Variants in POLQ observed in about 807,000 individuals in gnomAD.
The protein encoded by POLQ is epididymis secretory sperm binding protein.
Under a neutral mutation model 259.2 loss-of-function variants are expected in POLQ, and 233 were observed. That is an observed-to-expected ratio of 0.90 (90% confidence interval 0.81 to 1.00). POLQ has a LOEUF of 1.00. Among genes scored for constraint, POLQ ranks in the 50% least tolerant of loss-of-function variants. The probability of loss-of-function intolerance (pLI) is 0.00; values close to 1 mark genes in which losing one functional copy is unlikely to be tolerated. For missense variants in POLQ, 2,871 were observed against 3,051.6 expected (o/e 0.94, Z 1.39); for synonymous variants, 1,025 against 1,048.8 (o/e 0.98, Z 0.44).
At position 121,533,560 on chromosome 3, in the gene POLQ, G is replaced by A. The variant is rs144472776; in HGVS notation, c.741-351C>T. Among the ~76,000 whole-genome samples the A allele has an allele frequency of 3.7e-3, 561 of 152,134 alleles. 6 individuals carry two copies. Among genetic ancestry groups the A allele is most frequent in the African/African-American group, 7.4e-3 (307 of 41,488 alleles). The stretch of plus-strand genomic sequence containing the variant: ...AGACAGGGTCTTGCTCTGTCACCCA[G>A]GCTGGAGTGCAATGGACCTGTCTCG... On this transcript the variant is annotated intron_variant, in intron 5 of 29. Transcript: ENST00000264233.
At chr3:121,500,869 C>G (rs1214807912) in intron 12 of POLQ, among the ~76,000 whole-genome samples, 1 of 152,202 alleles carries the variant, frequency 6.6e-6, no homozygotes, top group African/African-American at 2.4e-5. Flanking sequence ...GAGCTAACTT[C>G]TCACCAGCAA....
intron 29 of POLQ, 30 bp from the exon 30 acceptor site, chr3:121,432,447 C>T (rs1245576878): frequency 6.3e-7 from 1 of 1,594,890 alleles, no homozygotes; most frequent in Non-Finnish European, 8.5e-7. Flanking sequence ...AGTTAACAAA[C>T]TGCCCAGTCA....
At chr3:121,499,683 TCA>T (rs1344095201) in intron 12 of POLQ, among the ~76,000 whole-genome samples, 2 of 152,046 alleles carry the variant, frequency 1.3e-5, no homozygotes, top group Admixed American at 6.6e-5. Flanking sequence ...GAATCAATAT[TCA>T]GAGTTGATAT....
rs2048144079 is a variant in POLQ at position 121,498,665 on chromosome 3, T to A, written c.1965A>T (p.Thr655=). 5.6e-6 allele frequency: 9 copies of A among 1,606,116 alleles called. No homozygotes were observed. Among genetic ancestry groups the A allele is most frequent in the Non-Finnish European group, 7.7e-6 (9 of 1,173,648 alleles). ...ENDLHILYLV[T]PMFEDWTTID... ...TAGTAGTCCAATCCTCAAACATAGG[T>A]GTAACCTAAAAGGAAGAAGTATTAT... Residue 655 remains threonine, a synonymous_variant, in exon 13 of 30, where the codon ACA becomes ACT. Transcript: ENST00000264233.
At position 121,519,954 on chromosome 3, in the gene POLQ, G is replaced by T; in HGVS notation, c.1385C>A (p.Pro462His). Residue 462 changes from proline to histidine, a missense_variant, in exon 9 of 30, where the codon CCT (proline) becomes CAT (histidine). Pro to His is a moderately conservative substitution (Grantham distance 77). Around this residue, in one of 3 missense-constraint regions of POLQ, gnomAD observed 783 missense variants for 906.2 expected, o/e 0.86. Transcript: ENST00000264233. ...ATCTAGAGGTCGACCACCAAAAATAGGGGTTCGAATAATCACACGACGTGC... is the reference window on the plus strand; with the variant it reads ...ATCTAGAGGTCGACCACCAAAAATATGGGTTCGAATAATCACACGACGTGC... ...LPARRVIIRT[P>H]IFGGRPLDIL... 1 of 1,612,616 alleles carries T rather than the reference G, an allele frequency of 6.2e-7. No individual in the cohort carries two copies. The highest frequency in any genetic ancestry group is 8.5e-7 in the Non-Finnish European group (1 of 1,178,808).
At chr3:121,448,572 G>A (rs898505912) in intron 26 of POLQ, among the ~76,000 whole-genome samples, 10 of 151,728 alleles carry the variant, frequency 6.6e-5, no homozygotes, top group Admixed American at 4.6e-4. Flanking sequence ...TCACCATGTT[G>A]GCCAGGATGG....
In POLQ at chr3:121,522,055, C is replaced by T; in HGVS notation, c.1203G>A (p.Leu401=). 6.2e-7 allele frequency: 1 copy of T among 1,607,786 alleles called. No homozygotes were observed. Among genetic ancestry groups the T allele is most frequent in the South Asian group, 1.1e-5 (1 of 90,334 alleles). The change falls in exon 8 of 30, where the codon CTG becomes CTA. Residue 401 remains leucine (L), a synonymous_variant. Coordinates refer to ENST00000264233, the MANE Select transcript of POLQ (RefSeq NM_199420.4). ...GTACAGTTTTCTGTAATACAGAGTC[C>T]AGTCCTGAAGGCAAACGTCTTAACT... is the stretch of plus-strand genomic sequence containing the variant. ...MDQLRRLPSG[L]DSVLQKTVPW... is the part of the protein sequence containing the mutation.
intron 20 of POLQ, 41 bp downstream of exon 20, chr3:121,476,498 TC>T (rs1473934944): frequency 7.1e-7 from 1 of 1,416,428 alleles, no homozygotes; most frequent in Non-Finnish European, 9.8e-7. Flanking sequence ...TCATTTTAAC[TC>T]TAAAAATTAT....
chr3:121,438,916 G>A (rs1394351857), intron 27 of POLQ, among the ~76,000 whole-genome samples: 2 of 152,172 alleles, frequency 1.3e-5, no homozygotes, highest in African/African-American at 4.8e-5. Context: ...GTCCCTAAAA[G>A]CATTAATGCT....
rs763908065 is a variant in POLQ, at chr3:121,432,271, G to A, written c.*33C>T. 1 of 1,569,886 alleles carries A rather than the reference G, an allele frequency of 6.4e-7. No homozygotes were observed. Among genetic ancestry groups the A allele is most frequent in the Non-Finnish European group, 8.6e-7 (1 of 1,162,858 alleles). ...CTTTCCAGGTGACTGCATCTGCACAGGCTTCCCTGGGAGGACTTCATCAAC... is the reference window on the plus strand; with the variant it reads ...CTTTCCAGGTGACTGCATCTGCACAAGCTTCCCTGGGAGGACTTCATCAAC... On this transcript the variant is annotated 3_prime_UTR_variant, in exon 30 of 30. Transcript: ENST00000264233.
rs548651855 is a variant in POLQ at position 121,476,724 on chromosome 3, C to G, written c.6221G>C (p.Arg2074Pro). ...GTACTGAGAGGGCATTTCCACCTTA[C>G]GGAAAACATCTGGAAGAAAAAAGAA... ...LQKENLQDVF[R>P]KVEMPSQYCL... Residue 2074 changes from arginine (R) to proline (P), a missense_variant, in exon 20 of 30, where the codon CGT becomes CCT. Around this residue, in one of 3 missense-constraint regions of POLQ, gnomAD observed 2,080 missense variants for 2,126.0 expected, o/e 0.98. Transcript: ENST00000264233. The G allele has an allele frequency of 6.3e-7, 1 of 1,596,490 alleles. No homozygotes were observed.
chr3:121,529,169 C>A (rs2048393317), intron 7 of POLQ, among the ~76,000 whole-genome samples: 1 of 150,388 alleles, frequency 6.6e-6, no homozygotes, highest in Non-Finnish European at 1.5e-5. Flanking sequence ...GAAAAAAAAT[C>A]CACATATAAA....
At position 121,473,435 on chromosome 3, in the gene POLQ, C is replaced by T. The variant is rs1424069394; in HGVS notation, c.6458G>A (p.Gly2153Asp). ...GGTAGAACCCAGAGTTTTCTTGCTG[C>T]CTTGGTTTTTCATCTCTCTATTTGG... is the stretch of plus-strand genomic sequence containing the variant. ...LPPNREMKNQ[G>D]SKKTLGSTRR... Residue 2153 changes from glycine to aspartate, a missense_variant, in exon 21 of 30, where the codon GGC (glycine) becomes GAC (aspartate). By Grantham distance (94) the Gly-to-Asp change is moderately conservative. Around this residue, in one of 3 missense-constraint regions of POLQ, gnomAD observed 2,080 missense variants for 2,126.0 expected, o/e 0.98. Transcript: ENST00000264233. 5.6e-6 allele frequency: 9 copies of T among 1,613,616 alleles called. No homozygotes were observed. The highest frequency in any genetic ancestry group is 7.6e-6 in the Non-Finnish European group (9 of 1,179,716).
intron 7 of POLQ, 26 bp downstream of exon 7, chr3:121,529,619 G>A: frequency 2.5e-6 from 4 of 1,606,180 alleles, no homozygotes; most frequent in Non-Finnish European, 2.6e-6. Flanking sequence ...TAAGCATGAA[G>A]GCTTTCCTTT....
intron 20 of POLQ, among the ~76,000 whole-genome samples, chr3:121,474,220 C>CTA (rs59466652): frequency 0.014 from 2,127 of 152,236 alleles, 55 homozygotes; most frequent in African/African-American, 0.048. Context: ...TCAGAAAACA[C>CTA]TAAAGTAGGA....
At chr3:121,526,057 G>A (rs143244136) in intron 7 of POLQ, among the ~76,000 whole-genome samples, 63 of 152,038 alleles carry the variant, frequency 4.1e-4, no homozygotes, top group African/African-American at 1.3e-3. Context: ...AGTACAGTGC[G>A]TAATGAGCTT....
chr3:121,488,604 T>C lies in POLQ; in HGVS notation c.4327A>G (p.Asn1443Asp). The change falls in exon 16 of 30, where the codon AAT (asparagine) becomes GAT (aspartate). Residue 1443 changes from asparagine to aspartate, a missense_variant. Physicochemically the swap from Asn to Asp is conservative, Grantham distance 23. This residue lies in a region of POLQ where 2,080 missense variants were observed against 2,126.0 expected (regional missense o/e 0.98). Coordinates refer to ENST00000264233, the MANE Select transcript of POLQ (RefSeq NM_199420.4). Reference protein sequence around the residue: ...NEVSVTDSQLNSFLQGYQTQE... With the variant: ...NEVSVTDSQLDSFLQGYQTQE... ...GTTTGATAACCTTGAAGAAAACTAT[T>C]TAATTGTGAATCAGTAACAGAAACT... 6.2e-7 allele frequency: 1 copy of C among 1,607,070 alleles called. No individual in the cohort carries two copies. The highest frequency in any genetic ancestry group is 8.5e-7 in the Non-Finnish European group (1 of 1,177,856).
At chr3:121,520,180 G>A (rs702019) in intron 8 of POLQ, 97 bp from the exon 9 acceptor site, 543,416 of 697,712 alleles carry the variant, frequency 0.78, 212,507 homozygotes, top group East Asian at 0.89. Flanking sequence ...TCAAGCCTCT[G>A]AAGATTTTTG....
At chr3:121,491,584 A>G (rs2048069209) in intron 15 of POLQ, among the ~76,000 whole-genome samples, 1 of 152,136 alleles carries the variant, frequency 6.6e-6, no homozygotes, top group Non-Finnish European at 1.5e-5. Flanking sequence ...AAACTTAGAT[A>G]ACAACCTGGA....
Sources: allele counts gnomAD v4.1 joint callset (sites outside exome capture counted in the v4.1 genomes callset), GRCh38; gene constraint gnomAD v4.1.1; regional missense constraint gnomAD v4.1.1; transcripts MANE v1.5; gene names NCBI Gene and HGNC (gene_info 2026-07-23, HGNC 2026-07-21).